Variants in ZNF704 observed in about 807,000 individuals in gnomAD.
ZNF704 encodes zinc finger protein 704.
A neutral mutation model predicts 44.7 loss-of-function variants in ZNF704; 10 were observed. That is an observed-to-expected ratio of 0.22 (90% CI 0.14 to 0.38). ZNF704 has a LOEUF of 0.38. Ranked by LOEUF, ZNF704 falls within the 10% of genes least tolerant of loss-of-function variation. The pLI is 1.00. For missense variants in ZNF704, 390 were observed against 545.5 expected (o/e 0.71, Z 2.84); for synonymous variants, 211 against 207.6 (o/e 1.02, Z -0.14).
intron 7 of ZNF704, among the ~76,000 whole-genome samples, chr8:80,651,759 G>A (rs1171750112): frequency 3.9e-5 from 6 of 152,104 alleles, no homozygotes; most frequent in Admixed American, 6.6e-5. Context: ...ACAGATCAAC[G>A]AGACAGAAAA....
intron 1 of ZNF704, among the ~76,000 whole-genome samples, chr8:80,834,844 C>T (rs1295520049): frequency 6.6e-6 from 1 of 152,164 alleles, no homozygotes; most frequent in East Asian, 1.9e-4. Flanking sequence ...TCATCCATGT[C>T]CCTGCAAAGG....
At chr8:80,854,927 G>C (rs1317350188) in intron 1 of ZNF704, among the ~76,000 whole-genome samples, 1 of 152,104 alleles carries the variant, frequency 6.6e-6, no homozygotes, top group Non-Finnish European at 1.5e-5. Flanking sequence ...GGGTACATGA[G>C]ATATTTTGAT....
intron 4 of ZNF704, among the ~76,000 whole-genome samples, chr8:80,684,907 T>C (rs1775785859): frequency 6.6e-6 from 1 of 152,176 alleles, no homozygotes. Context: ...CTGTTCAAAG[T>C]AACTTTAAAT....
chr8:80,737,406 T>C (rs1806685344), intron 2 of ZNF704, among the ~76,000 whole-genome samples: 1 of 152,222 alleles, frequency 6.6e-6, no homozygotes, highest in Non-Finnish European at 1.5e-5. Context: ...TAACTGTTGG[T>C]AGGGGAACCT....
At chr8:80,675,047 G>A (rs1302431762) in intron 4 of ZNF704, among the ~76,000 whole-genome samples, 4 of 152,008 alleles carry the variant, frequency 2.6e-5, no homozygotes, top group African/African-American at 9.7e-5. Flanking sequence ...TGGGGATAGA[G>A]AACAAAAAAA....
At chr8:80,735,937 T>C (rs1371034247) in intron 2 of ZNF704, among the ~76,000 whole-genome samples, 1 of 152,200 alleles carries the variant, frequency 6.6e-6, no homozygotes, top group Non-Finnish European at 1.5e-5. Context: ...AAAGAAAATA[T>C]AAACAGGAAG....
intron 1 of ZNF704, among the ~76,000 whole-genome samples, chr8:80,859,725 G>C (rs1178969368): frequency 6.6e-6 from 1 of 152,174 alleles, no homozygotes; most frequent in East Asian, 1.9e-4. Context: ...CTCCAGGTCT[G>C]TATGACAAGC....
chr8:80,780,716 G>A (rs1388369386), intron 2 of ZNF704, among the ~76,000 whole-genome samples: 1 of 152,076 alleles, frequency 6.6e-6, no homozygotes, highest in African/African-American at 2.4e-5. Flanking sequence ...CTGCAGTGAG[G>A]TACTAACAAG....
chr8:80,714,459 T>G (rs570133096), intron 2 of ZNF704, among the ~76,000 whole-genome samples: 7 of 152,316 alleles, frequency 4.6e-5, no homozygotes, highest in Admixed American at 1.3e-4. Context: ...TTTTAATTCC[T>G]TCTTGATCAA....
chr8:80,872,920 A>AC (rs1473017741), intron 1 of ZNF704, among the ~76,000 whole-genome samples: 1 of 152,108 alleles, frequency 6.6e-6, no homozygotes, highest in East Asian at 1.9e-4. Flanking sequence ...GAGTGGAAAC[A>AC]CGGGAGGGCG....
intron 4 of ZNF704, among the ~76,000 whole-genome samples, chr8:80,676,624 T>C (rs961761692): frequency 6.6e-6 from 1 of 152,182 alleles, no homozygotes; most frequent in Non-Finnish European, 1.5e-5. Flanking sequence ...AGGTTGTGTA[T>C]GAAGTTTGAG....
chr8:80,708,970 A>C (rs1451085005), intron 2 of ZNF704, among the ~76,000 whole-genome samples: 1 of 152,152 alleles, frequency 6.6e-6, no homozygotes, highest in African/African-American at 2.4e-5. Flanking sequence ...ATTTACTTGG[A>C]ATTTGATGGG....
intron 7 of ZNF704, among the ~76,000 whole-genome samples, chr8:80,648,138 C>T (rs1817861609): frequency 1.3e-5 from 2 of 152,096 alleles, no homozygotes; most frequent in Admixed American, 1.3e-4. Flanking sequence ...AGAGTAGAGT[C>T]CTCTGGACCC....
At chr8:80,656,334 T>C (rs1280460141) in intron 7 of ZNF704, among the ~76,000 whole-genome samples, 1 of 152,174 alleles carries the variant, frequency 6.6e-6, no homozygotes, top group Non-Finnish European at 1.5e-5. Context: ...TAAATTTCTG[T>C]TGTTTAAGCT....
At chr8:80,821,647 C>A (rs1808273833) in intron 1 of ZNF704, 32 bp from the exon 2 acceptor site, 1 of 1,543,218 alleles carries the variant, frequency 6.5e-7, no homozygotes, top group Non-Finnish European at 8.9e-7. Context: ...TTCTTACTCA[C>A]ATAAAACATC....
chr8:80,798,258 ATTT>A (rs555454839), intron 2 of ZNF704, among the ~76,000 whole-genome samples: 1 of 143,108 alleles, frequency 7.0e-6, no homozygotes, highest in Admixed American at 7.0e-5. Flanking sequence ...TAGTGTCCAT[ATTT>A]TTTTTTTTTT....
chr8:80,881,820 C>T, the ZNF704 span, among the ~76,000 whole-genome samples: 5 of 151,968 alleles, frequency 3.3e-5, no homozygotes, highest in South Asian at 2.1e-4. Flanking sequence ...CCCAGCTATT[C>T]GGGAGGCTGA....
intron 1 of ZNF704, among the ~76,000 whole-genome samples, chr8:80,840,028 C>A (rs1292849747): frequency 6.6e-6 from 1 of 152,214 alleles, no homozygotes; most frequent in Admixed American, 6.5e-5. Context: ...AGTTTTGAAT[C>A]CCAGGCACCT....
At chr8:80,763,888 G>C (rs748703454) in intron 2 of ZNF704, among the ~76,000 whole-genome samples, 7 of 152,060 alleles carry the variant, frequency 4.6e-5, no homozygotes, top group Non-Finnish European at 1.0e-4. Flanking sequence ...TCTAGGACAG[G>C]GGCAAAATGC....
Sources: allele counts gnomAD v4.1 joint callset (sites outside exome capture counted in the v4.1 genomes callset), GRCh38; gene constraint gnomAD v4.1.1; transcripts MANE v1.5; gene names NCBI Gene and HGNC (gene_info 2026-07-23, HGNC 2026-07-21).